EPHA5: variants seen among roughly 807,000 people sequenced by gnomAD.
The protein encoded by EPHA5 is EPH receptor A5, also known as ephrin type-A receptor 5.
In EPHA5, 60 loss-of-function variants were observed where a neutral mutation model predicts 105.0. That is an observed-to-expected ratio of 0.57 (90% CI 0.46 to 0.71). The LOEUF (loss-of-function observed/expected upper bound fraction) is 0.71, where lower values mean the gene tolerates loss of function less well. Among genes scored for constraint, EPHA5 ranks in the 30% least tolerant of loss-of-function variants. EPHA5 has a pLI of 0.00. For missense variants in EPHA5, 1,218 were observed against 1,274.7 expected (o/e 0.96, Z 0.68); for synonymous variants, 513 against 449.1 (o/e 1.14, Z -1.80).
chr4:65,633,380 C>G (rs1225184787), intron 2 of EPHA5, among the ~76,000 whole-genome samples: 1 of 151,834 alleles, frequency 6.6e-6, no homozygotes, highest in Admixed American at 6.6e-5. Flanking sequence ...AAAAAAAGAT[C>G]ATGATAAACA....
chr4:65,342,200 C>T (rs6551913), intron 14 of EPHA5, among the ~76,000 whole-genome samples: 71,275 of 151,694 alleles, frequency 0.47, 17,355 homozygotes, highest in East Asian at 0.77. Context: ...GTACAGAAAT[C>T]TTGAGCTGAA....
intron 3 of EPHA5, among the ~76,000 whole-genome samples, chr4:65,548,528 GA>G (rs1480072987): frequency 1.3e-5 from 2 of 152,014 alleles, no homozygotes; most frequent in Non-Finnish European, 2.9e-5. Context: ...AGTAATGGCT[GA>G]GAAATTTTCA....
intron 2 of EPHA5, among the ~76,000 whole-genome samples, chr4:65,615,366 C>G (rs1394568329): frequency 6.6e-6 from 1 of 151,636 alleles, no homozygotes. Context: ...ATGATAAAAG[C>G]TAAAACATTT....
At chr4:65,527,230 C>A (rs548787385) in intron 3 of EPHA5, among the ~76,000 whole-genome samples, 4 of 151,678 alleles carry the variant, frequency 2.6e-5, no homozygotes, top group African/African-American at 9.7e-5. Flanking sequence ...CTTGCAATAG[C>A]GAAAAAATTA....
At chr4:65,628,829 C>T (rs1252900763) in intron 2 of EPHA5, among the ~76,000 whole-genome samples, 1 of 152,130 alleles carries the variant, frequency 6.6e-6, no homozygotes, top group African/African-American at 2.4e-5. Flanking sequence ...CGCACATTCG[C>T]ATGTTATAAT....
At chr4:65,606,138 T>C (rs1482940123) in intron 2 of EPHA5, among the ~76,000 whole-genome samples, 1 of 152,146 alleles carries the variant, frequency 6.6e-6, no homozygotes, top group Admixed American at 6.5e-5. Flanking sequence ...CAACATTTTT[T>C]CCAGACGTCA....
chr4:65,597,282 A>C (rs2149428771), intron 3 of EPHA5, among the ~76,000 whole-genome samples: 1 of 152,316 alleles, frequency 6.6e-6, no homozygotes, highest in East Asian at 1.9e-4. Flanking sequence ...TCATTCCACT[A>C]GCAACTGATG....
At chr4:65,545,909 A>T (rs149466355) in intron 3 of EPHA5, among the ~76,000 whole-genome samples, 445 of 152,052 alleles carry the variant, frequency 2.9e-3, no homozygotes, top group African/African-American at 0.01. Context: ...ATTTTAAAGC[A>T]AGACTAGAAT....
intron 3 of EPHA5, among the ~76,000 whole-genome samples, chr4:65,583,848 T>C (rs1301678333): frequency 1.3e-5 from 2 of 151,728 alleles, no homozygotes; most frequent in Non-Finnish European, 3.0e-5. Context: ...ACTAAATGTA[T>C]ACATAAAATA....
At chr4:65,457,924 G>A (rs1257507445) in intron 5 of EPHA5, among the ~76,000 whole-genome samples, 2 of 151,534 alleles carry the variant, frequency 1.3e-5, no homozygotes, top group Non-Finnish European at 2.9e-5. Context: ...AATTCAAAAA[G>A]TTAGCCGGAC....
intron 3 of EPHA5, among the ~76,000 whole-genome samples, chr4:65,596,680 G>GC (rs1219269854): frequency 2.6e-3 from 124 of 48,282 alleles, no homozygotes; most frequent in African/African-American, 5.5e-3. Flanking sequence ...CACAAAAGCA[G>GC]AACACACACA....
chr4:65,526,201 G>A (rs1735213724), intron 3 of EPHA5, among the ~76,000 whole-genome samples: 3 of 151,790 alleles, frequency 2.0e-5, no homozygotes, highest in South Asian at 4.1e-4. Flanking sequence ...ATACTACATG[G>A]ATATAAAGGG....
At chr4:65,533,193 C>A (rs1026757230) in intron 3 of EPHA5, among the ~76,000 whole-genome samples, 19 of 152,068 alleles carry the variant, frequency 1.2e-4, no homozygotes, top group Non-Finnish European at 4.4e-5. Context: ...TTTGTGTACT[C>A]CTTCTCCTTG....
At chr4:65,595,566 A>G (rs1743085028) in intron 3 of EPHA5, among the ~76,000 whole-genome samples, 1 of 148,588 alleles carries the variant, frequency 6.7e-6, no homozygotes, top group Middle Eastern at 3.3e-3. Flanking sequence ...TAATTTTTAT[A>G]TAATATCTCA....
At chr4:65,588,217 T>G (rs953299523) in intron 3 of EPHA5, among the ~76,000 whole-genome samples, 1 of 152,138 alleles carries the variant, frequency 6.6e-6, no homozygotes, top group Non-Finnish European at 1.5e-5. Flanking sequence ...TTTTTGCAAA[T>G]GTGTCAACCC....
chr4:65,528,887 A>T (rs1735495570), intron 3 of EPHA5, among the ~76,000 whole-genome samples: 2 of 152,044 alleles, frequency 1.3e-5, no homozygotes, highest in African/African-American at 2.4e-5. Flanking sequence ...CAGCAGAAGG[A>T]CTCTACTTCA....
At chr4:65,409,371 A>AAATAAATAAATAAATG (rs1182159183) in intron 7 of EPHA5, among the ~76,000 whole-genome samples, 2 of 150,232 alleles carry the variant, frequency 1.3e-5, no homozygotes, top group Non-Finnish European at 3.0e-5. Flanking sequence ...ATAAATAAAT[A>AAATAAATAAATAAATG]AAAGAGCTTT....
intron 5 of EPHA5, among the ~76,000 whole-genome samples, chr4:65,463,203 T>C (rs1298482382): frequency 6.6e-6 from 1 of 152,192 alleles, no homozygotes; most frequent in African/African-American, 2.4e-5. Context: ...TTTGTTCATT[T>C]CATATCCAAG....
rs763487248 is a variant in EPHA5 at position 65,332,077 on chromosome 4, T to A, written c.2841A>T (p.Arg947Ser). Residue 947 changes from arginine to serine, a missense_variant, in exon 16 of 17, where the codon AGA (arginine) becomes AGT (serine). Physicochemically the swap from Arg to Ser is moderately radical, Grantham distance 110. Around this residue, in one of 3 missense-constraint regions of EPHA5, gnomAD observed 971 missense variants for 1,013.5 expected, o/e 0.96. Transcript: ENST00000613740. ...EHSPLGSGAY[R>S]SVGEWLEAIK... The stretch of plus-strand genomic sequence containing the variant: ...TTGCCTCTAGCCATTCACCTACTGA[T>A]CTGTAGGCCCCAGATCCTAGTGGGC... 2 of 1,611,570 alleles carry A rather than the reference T, an allele frequency of 1.2e-6. No individual in the cohort carries two copies. The highest frequency in any genetic ancestry group is 1.7e-6 in the Non-Finnish European group (2 of 1,178,482).
Sources: allele counts gnomAD v4.1 joint callset (sites outside exome capture counted in the v4.1 genomes callset), GRCh38; gene constraint gnomAD v4.1.1; regional missense constraint gnomAD v4.1.1; transcripts MANE v1.5; gene names NCBI Gene and HGNC (gene_info 2026-07-23, HGNC 2026-07-21).